Variants in GPR39 observed in about 807,000 individuals in gnomAD.
The protein encoded by GPR39 is zinc sensing receptor.
Under a neutral mutation model 18.4 loss-of-function variants are expected in GPR39, and 23 were observed. That is an observed-to-expected ratio of 1.25 (90% CI 0.90 to 1.77). GPR39 has a LOEUF of 1.77. Ranked by LOEUF, GPR39 falls within the 40% of genes most tolerant of loss-of-function variation. The pLI is 0.00. For synonymous variants in GPR39, 280 were observed against 257.9 expected (o/e 1.09, Z -0.82); for missense variants, 647 against 602.4 (o/e 1.07, Z -0.78).
rs531085544 is a variant in GPR39, at chr2:132,646,543, G to T, written c.*937G>T. 9 of 361,208 alleles carry T rather than the reference G, an allele frequency of 2.5e-5. No homozygotes were observed. In the South Asian group the frequency reaches 1.3e-3, roughly 53 times the overall value. The allele number at this position is 361,208 out of a possible 1,614,324, so 22.4% of individuals were successfully genotyped here. A position where few individuals can be genotyped will look rare whatever the true frequency, so the allele number is the denominator to read the frequency against. On this transcript the variant is annotated 3_prime_UTR_variant, in exon 2 of 2. Coordinates refer to ENST00000329321, the MANE Select transcript of GPR39 (RefSeq NM_001508.3). ...ACCTGTGAATACCTGTTAATAAAGAGCTGTTAAATAGACTTATTTACATTT... is the reference window on the plus strand; with the variant it reads ...ACCTGTGAATACCTGTTAATAAAGATCTGTTAAATAGACTTATTTACATTT...
In GPR39 at chr2:132,623,823, G is replaced by T. The variant is rs180795615; in HGVS notation, c.857-21278G>T. On this transcript the variant is annotated intron_variant, in intron 1 of 1. Transcript: ENST00000329321. ...CCCGCACAATTGCCTTGGGAAGGTGGCTCACTCCTTTTTAGTTCAGCCAAG... is the reference window on the plus strand; with the variant it reads ...CCCGCACAATTGCCTTGGGAAGGTGTCTCACTCCTTTTTAGTTCAGCCAAG... Among the ~76,000 whole-genome samples the T allele has an allele frequency of 6.8e-3, 1,034 of 152,230 alleles. 5 individuals are homozygous for T. Among genetic ancestry groups the T allele is most frequent in the Non-Finnish European group, 0.01 (684 of 68,022 alleles).
chr2:132,570,541 C>A (rs1353245038), intron 1 of GPR39, among the ~76,000 whole-genome samples: 1 of 152,158 alleles, frequency 6.6e-6, no homozygotes, highest in Non-Finnish European at 1.5e-5. Flanking sequence ...ATTCTCAGAA[C>A]TTATTCTTTT....
intron 1 of GPR39, among the ~76,000 whole-genome samples, chr2:132,438,653 A>G (rs1038828879): frequency 5.5e-5 from 8 of 145,848 alleles, no homozygotes; most frequent in African/African-American, 2.0e-4. Flanking sequence ...ATGTGGTCCC[A>G]TAAAACCTAA....
intron 1 of GPR39, among the ~76,000 whole-genome samples, chr2:132,441,574 C>A (rs1428323082): frequency 6.6e-6 from 1 of 152,242 alleles, no homozygotes; most frequent in East Asian, 1.9e-4. Context: ...AATGGAAGGG[C>A]CCCAGGCAGG....
chr2:132,601,688 C>CA (rs1319132624), intron 1 of GPR39, among the ~76,000 whole-genome samples: 2 of 151,962 alleles, frequency 1.3e-5, no homozygotes, highest in South Asian at 2.1e-4. Flanking sequence ...AAGACTTCAC[C>CA]AAAAAACTTA....
chr2:132,645,272 T>G lies in GPR39; in HGVS notation c.1028T>G (p.Leu343Arg), dbSNP rs1455904000. 6.2e-6 allele frequency: 10 copies of G among 1,614,210 alleles called. No homozygotes were observed. The highest frequency in any genetic ancestry group is 8.5e-6 in the Non-Finnish European group (10 of 1,180,032). The change falls in exon 2 of 2, where the codon CTG becomes CGG. Residue 343 changes from leucine to arginine, a missense_variant. Leu to Arg is a moderately radical substitution (Grantham distance 102). Coordinates refer to ENST00000329321, the MANE Select transcript of GPR39 (RefSeq NM_001508.3). Reference sequence around the variant, plus strand: ...CTCAGCTCGGTCATCAACCCGCTCCTGTACACGGTGTCCTCGCAGCAGTTT... The same window carrying G: ...CTCAGCTCGGTCATCAACCCGCTCCGGTACACGGTGTCCTCGCAGCAGTTT... ...FYLSSVINPL[L>R]YTVSSQQFRR...
intron 1 of GPR39, among the ~76,000 whole-genome samples, chr2:132,483,410 T>C (rs1440439661): frequency 6.6e-6 from 1 of 152,240 alleles, no homozygotes; most frequent in East Asian, 1.9e-4. Flanking sequence ...ATGGCACGAA[T>C]GTTGGGCAGG....
chr2:132,421,393 C>T (rs1360502091), intron 1 of GPR39, among the ~76,000 whole-genome samples: 1 of 152,132 alleles, frequency 6.6e-6, no homozygotes, highest in Non-Finnish European at 1.5e-5. Flanking sequence ...CTGCAACTAC[C>T]TCCTAGAGAA....
chr2:132,584,440 G>A (rs1680686260), intron 1 of GPR39, among the ~76,000 whole-genome samples: 1 of 152,114 alleles, frequency 6.6e-6, no homozygotes, highest in African/African-American at 2.4e-5. Context: ...AGCTTCTGAA[G>A]CCAGAAATGG....
intron 1 of GPR39, among the ~76,000 whole-genome samples, chr2:132,519,932 C>T (rs150139132): frequency 3.3e-5 from 5 of 152,176 alleles, no homozygotes; most frequent in African/African-American, 2.4e-5. Flanking sequence ...GCAAATGGGA[C>T]CCCATCACTC....
chr2:132,603,618 C>A (rs2315508), intron 1 of GPR39, among the ~76,000 whole-genome samples: 35,387 of 151,826 alleles, frequency 0.23, 4,545 homozygotes, highest in African/African-American at 0.33. Context: ...ATGTACTGAA[C>A]TATCACTCTG....
intron 1 of GPR39, among the ~76,000 whole-genome samples, chr2:132,513,551 T>C (rs537188171): frequency 0.024 from 3,684 of 152,254 alleles, 144 homozygotes; most frequent in African/African-American, 0.083. Context: ...GCTTGGGAAG[T>C]CTGTCTACTA....
At chr2:132,581,088 G>A (rs760494024) in intron 1 of GPR39, among the ~76,000 whole-genome samples, 3 of 151,412 alleles carry the variant, frequency 2.0e-5, no homozygotes, top group South Asian at 4.2e-4. Flanking sequence ...TAAAGAAGGG[G>A]CACAAAAGGT....
chr2:132,569,852 T>A (rs1680412305), intron 1 of GPR39, among the ~76,000 whole-genome samples: 1 of 152,044 alleles, frequency 6.6e-6, no homozygotes, highest in African/African-American at 2.4e-5. Context: ...TAAAAAGGAG[T>A]TTACCTGCAC....
At chr2:132,644,787 T>C (rs1681961182) in intron 1 of GPR39, 2 of 317,240 alleles carry the variant, frequency 6.3e-6, no homozygotes, top group African/African-American at 4.4e-5. Flanking sequence ...AACTGCTTTC[T>C]GGATACGCAA....
chr2:132,583,210 T>C (rs1680659729), intron 1 of GPR39, among the ~76,000 whole-genome samples: 1 of 152,038 alleles, frequency 6.6e-6, no homozygotes, highest in African/African-American at 2.4e-5. Flanking sequence ...ACCTCACAAG[T>C]AGTACCTACT....
chr2:132,574,552 T>C (rs3115014), intron 1 of GPR39, among the ~76,000 whole-genome samples: 79,761 of 151,940 alleles, frequency 0.52, 22,236 homozygotes, highest in East Asian at 0.92. Context: ...CTGGCCAACA[T>C]GACAAAATCC....
Position 132,645,628 on chromosome 2 carries a change from A to G in GPR39, c.*22A>G, listed in dbSNP as rs1235051562. ...TTGAATGTCAAGCGAGGGAGCCTTG[A>G]GTGGGAACTGGCCCTCCAGCCCTAA... On this transcript the variant is annotated 3_prime_UTR_variant, in exon 2 of 2. Transcript: ENST00000329321. 1.3e-6 allele frequency: 2 copies of G among 1,597,138 alleles called. No individual in the cohort carries two copies. The highest frequency in any genetic ancestry group is 1.7e-5 in the Admixed American group (1 of 57,994).
intron 1 of GPR39, among the ~76,000 whole-genome samples, chr2:132,570,197 T>C (rs1046276693): frequency 3.3e-5 from 5 of 152,106 alleles, no homozygotes; most frequent in Non-Finnish European, 7.4e-5. Flanking sequence ...CTCCTTTCTT[T>C]CTTCCACCTT....
Sources: allele counts gnomAD v4.1 joint callset (sites outside exome capture counted in the v4.1 genomes callset), GRCh38; gene constraint gnomAD v4.1.1; transcripts MANE v1.5; gene names NCBI Gene and HGNC (gene_info 2026-07-23, HGNC 2026-07-21).